ABHD2: variants seen among roughly 807,000 people sequenced by gnomAD.
ABHD2 encodes monoacylglycerol lipase ABHD2.
A neutral mutation model predicts 48.1 loss-of-function variants in ABHD2; 20 were observed. The ratio of observed to expected loss-of-function variants is 0.42; its 90% CI spans 0.29 to 0.60. The LOEUF (loss-of-function observed/expected upper bound fraction) is 0.60. Among genes scored for constraint, ABHD2 ranks in the 20% least tolerant of loss-of-function variants. The pLI is 0.24. For synonymous variants in ABHD2, 209 were observed against 214.2 expected, an observed-to-expected ratio of 0.98 and a Z score of 0.21; for missense variants, 405 against 550.9, an observed-to-expected ratio of 0.74 and a Z score of 2.65.
chr15:89,041,055 G>A, the ABHD2 span, among the ~76,000 whole-genome samples: 1 of 152,196 alleles, frequency 6.6e-6, no homozygotes, highest in East Asian at 1.9e-4. Context: ...CCTGGCCTGG[G>A]ATGCTTCCTC....
rs189680150 is a variant in ABHD2, at chr15:89,098,873, C to G, written c.-107+10310C>G. On this transcript the variant is annotated intron_variant, in intron 1 of 10. Coordinates refer to ENST00000352732, the MANE Select transcript of ABHD2 (RefSeq NM_152924.5). ...CACAAAAGAGCTTATAAGAGGAATG[C>G]AGATTTCTTTAAGTCTCTTATGGAT... 2.6e-3 allele frequency among the ~76,000 whole-genome samples: 398 copies of G among 152,284 alleles called. 2 individuals are homozygous for G. Among genetic ancestry groups the G allele is most frequent in the African/African-American group, 9.2e-3 (381 of 41,556 alleles).
chr15:89,142,287 A>G (rs1264708523), intron 3 of ABHD2, among the ~76,000 whole-genome samples: 1 of 152,262 alleles, frequency 6.6e-6, no homozygotes, highest in East Asian at 1.9e-4. Flanking sequence ...AGTGCTGTAT[A>G]GATAAATAAA....
At chr15:89,153,949 A>T (rs2050632018) in intron 4 of ABHD2, among the ~76,000 whole-genome samples, 1 of 152,230 alleles carries the variant, frequency 6.6e-6, no homozygotes, top group South Asian at 2.1e-4. Context: ...GTCATATTAT[A>T]ATTAAACCAT....
rs1412965478 is a variant in ABHD2 at position 89,179,557 on chromosome 15, C to T, written c.722+3562C>T. ...TGCAGGAAAATAAGCTCAGGGATCT[C>T]ACTGATTCTATGTTATGGTGAGTTG... is the stretch of plus-strand genomic sequence containing the variant. On this transcript the variant is annotated intron_variant, in intron 6 of 10. Transcript: ENST00000352732. This position sits in a 1 kb window ranked among gnomAD's most constrained non-coding sequence, Gnocchi z 4.3. Among the ~76,000 whole-genome samples, 1 of 152,118 alleles carries T rather than the reference C, an allele frequency of 6.6e-6. No homozygotes were observed. Among genetic ancestry groups the T allele is most frequent in the Non-Finnish European group, 1.5e-5 (1 of 68,014 alleles).
At chr15:89,147,440 G>A (rs1480091927) in intron 3 of ABHD2, among the ~76,000 whole-genome samples, 6 of 138,952 alleles carry the variant, frequency 4.3e-5, no homozygotes, top group African/African-American at 1.4e-4. Context: ...TGCAAGCTCC[G>A]CCTCCCAGGT....
At chr15:89,065,614 A>G in the ABHD2 span, among the ~76,000 whole-genome samples, 1 of 152,236 alleles carries the variant, frequency 6.6e-6, no homozygotes, top group Non-Finnish European at 1.5e-5. Context: ...AATGCAGCAT[A>G]ATTGACTAAT....
rs2051123993 is a variant in ABHD2, at chr15:89,182,099, C to G, written c.723-3325C>G. Among the ~76,000 whole-genome samples, 1 of 152,156 alleles carries G rather than the reference C, an allele frequency of 6.6e-6. No homozygotes were observed. Among genetic ancestry groups the G allele is most frequent in the Non-Finnish European group, 1.5e-5 (1 of 68,016 alleles). ...GGTAATAGGTAGATCAATGGATGGA[C>G]AAAGTTCTTTAAAAATCCTTATGGA... On this transcript the variant is annotated intron_variant, in intron 6 of 10. Transcript: ENST00000352732. The surrounding 1 kb of genome is among the most constrained non-coding windows in gnomAD (Gnocchi z 4.8).
intron 1 of ABHD2, among the ~76,000 whole-genome samples, chr15:89,093,136 GCCTCCCCAAGT>G (rs1901662432): frequency 6.6e-6 from 1 of 150,940 alleles, no homozygotes; most frequent in African/African-American, 2.4e-5. Context: ...AAGCTTCCTG[GCCTCCCCAAGT>G]CACATTTCCA....
rs1489898420 is a variant in ABHD2 at position 89,179,465 on chromosome 15, C to A, written c.722+3470C>A. Among the ~76,000 whole-genome samples, 1 of 152,170 alleles carries A rather than the reference C, an allele frequency of 6.6e-6. No individual in the cohort carries two copies. Among genetic ancestry groups the A allele is most frequent in the Non-Finnish European group, 1.5e-5 (1 of 68,036 alleles). ...GCATGTGAGGGATAGTTTGCATCTT[C>A]TTATGAGAATCTAATATCTGATGAT... On this transcript the variant is annotated intron_variant, in intron 6 of 10. Coordinates refer to ENST00000352732, the MANE Select transcript of ABHD2 (RefSeq NM_152924.5). The surrounding 1 kb of genome is among the most constrained non-coding windows in gnomAD (Gnocchi z 4.3).
At chr15:89,050,920 A>T in the ABHD2 span, among the ~76,000 whole-genome samples, 1 of 152,078 alleles carries the variant, frequency 6.6e-6, no homozygotes, top group Non-Finnish European at 1.5e-5. Flanking sequence ...TCCTGGGCTA[A>T]AATCTGGAAG....
rs1355171398 is a variant in ABHD2 at position 89,120,443 on chromosome 15, G to A, written c.194+3922G>A. Among the ~76,000 whole-genome samples, 3 of 151,982 alleles carry A rather than the reference G, an allele frequency of 2.0e-5. No individual in the cohort carries two copies. The highest frequency in any genetic ancestry group is 7.2e-5 in the African/African-American group (3 of 41,390). ...ATATTCATTTTTTTAAATGGAAAAG[G>A]TAGAGCACACAAAAATTATCTATAA... On this transcript the variant is annotated intron_variant, in intron 3 of 10. Coordinates refer to ENST00000352732, the MANE Select transcript of ABHD2 (RefSeq NM_152924.5). The surrounding 1 kb of genome is among the most constrained non-coding windows in gnomAD (Gnocchi z 4.2).
rs746241541 is a variant in ABHD2 at position 89,185,627 on chromosome 15, G to A, written c.815+111G>A. 1.0e-6 allele frequency: 1 copy of A among 955,906 alleles called. No individual in the cohort carries two copies. Among genetic ancestry groups the A allele is most frequent in the Admixed American group, 2.3e-5 (1 of 43,994 alleles). The allele number at this position is 955,906 out of a possible 1,614,324, so 59.2% of individuals were successfully genotyped here. A position where few individuals can be genotyped will look rare whatever the true frequency, so the allele number is the denominator to read the frequency against. On this transcript the variant is annotated intron_variant, in intron 7 of 10. Coordinates refer to ENST00000352732, the MANE Select transcript of ABHD2 (RefSeq NM_152924.5). The surrounding 1 kb of genome is among the most constrained non-coding windows in gnomAD (Gnocchi z 5.9). ...CCTTCAGGGGAAAAAAAAAAATGCA[G>A]GTGTGGTACAGACTCTCTGCTGCCT...
rs1328216423 is a variant in ABHD2, at chr15:89,120,552, T to C, written c.194+4031T>C. Among the ~76,000 whole-genome samples the C allele has an allele frequency of 6.6e-6, 1 of 152,210 alleles. No individual in the cohort carries two copies. Among genetic ancestry groups the C allele is most frequent in the Non-Finnish European group, 1.5e-5 (1 of 68,038 alleles). On this transcript the variant is annotated intron_variant, in intron 3 of 10. Transcript: ENST00000352732. The surrounding 1 kb of genome is among the most constrained non-coding windows in gnomAD (Gnocchi z 4.2). ...TGGAGTACAGTGGCGCAATCTCAAA[T>C]CTCGGTTCACTGCAACTTCTGCCTC...
rs772555249 is a variant in ABHD2 at position 89,174,711 on chromosome 15, G to A, written c.539-1101G>A. On this transcript the variant is annotated intron_variant, in intron 5 of 10. Coordinates refer to ENST00000352732, the MANE Select transcript of ABHD2 (RefSeq NM_152924.5). This position sits in a 1 kb window ranked among gnomAD's most constrained non-coding sequence, Gnocchi z 4.1. ...TGCCAGTCTATTTTGTATGTGCTTT[G>A]CGTCGACATCCCTATCTTTCCATGT... is the stretch of plus-strand genomic sequence containing the variant. 1.7e-4 allele frequency among the ~76,000 whole-genome samples: 26 copies of A among 152,188 alleles called. No individual in the cohort carries two copies. The highest frequency in any genetic ancestry group is 3.4e-4 in the Non-Finnish European group (23 of 68,038).
At chr15:89,157,381 G>A (rs2050691265) in intron 5 of ABHD2, among the ~76,000 whole-genome samples, 1 of 152,134 alleles carries the variant, frequency 6.6e-6, no homozygotes, top group Non-Finnish European at 1.5e-5. Flanking sequence ...ATAAGGGCAG[G>A]TAAGGGAAGG....
the ABHD2 span, among the ~76,000 whole-genome samples, chr15:89,044,366 G>C: frequency 6.6e-6 from 1 of 152,118 alleles, no homozygotes; most frequent in African/African-American, 2.4e-5. Flanking sequence ...ATAAACATAG[G>C]TGTGCATGTG....
At chr15:89,052,661 A>T in the ABHD2 span, among the ~76,000 whole-genome samples, 1 of 152,152 alleles carries the variant, frequency 6.6e-6, no homozygotes, top group Non-Finnish European at 1.5e-5. Context: ...AGCTCGAAAG[A>T]TTGCCTGCAA....
At chr15:89,138,282 G>A (rs530571176) in intron 3 of ABHD2, among the ~76,000 whole-genome samples, 1 of 152,298 alleles carries the variant, frequency 6.6e-6, no homozygotes, top group Admixed American at 6.5e-5. Flanking sequence ...TTGCAGACTC[G>A]TGGAGCTGCC....
chr15:89,047,496 G>A, the ABHD2 span, among the ~76,000 whole-genome samples: 1 of 149,382 alleles, frequency 6.7e-6, no homozygotes, highest in East Asian at 1.9e-4. Context: ...TGACAGTGGG[G>A]TGTTAAAGTC....
Sources: allele counts gnomAD v4.1 joint callset (sites outside exome capture counted in the v4.1 genomes callset), GRCh38; gene constraint gnomAD v4.1.1; non-coding constraint Gnocchi (gnomAD v3.1); transcripts MANE v1.5; gene names NCBI Gene and HGNC (gene_info 2026-07-23, HGNC 2026-07-21).